Variants in EDA observed in about 807,000 individuals in gnomAD.
EDA encodes ectodysplasin-A.
A neutral mutation model predicts 23.6 loss-of-function variants in EDA; 2 were observed. The ratio of observed to expected loss-of-function variants is 0.08; its 90% CI spans 0.03 to 0.27. The LOEUF is 0.27. Ranked by LOEUF, EDA falls within the 10% of genes least tolerant of loss-of-function variation. The probability of loss-of-function intolerance (pLI) is 1.00; values close to 1 mark genes in which losing one functional copy is unlikely to be tolerated. For synonymous variants in EDA, 131 were observed against 132.0 expected (o/e 0.99, Z 0.05); for missense variants, 229 against 324.2 (o/e 0.71, Z 2.26).
intron 1 of EDA, among the ~76,000 whole-genome samples, chrX:69,894,695 TTG>T (rs1223134503): frequency 9.0e-6 from 1 of 111,637 alleles, no homozygotes; most frequent in Non-Finnish European, 1.9e-5. Flanking sequence ...ATTCTTGATT[TTG>T]TTCTCAGCTT....
At chrX:69,671,368 A>G (rs1009179062) in intron 1 of EDA, among the ~76,000 whole-genome samples, 4 of 111,206 alleles carry the variant, frequency 3.6e-5, no homozygotes, top group African/African-American at 1.3e-4. Flanking sequence ...CATGGCCAAT[A>G]GGCAGCCACA....
At chrX:69,633,560 C>T (rs1048328369) in intron 1 of EDA, among the ~76,000 whole-genome samples, 20 of 111,813 alleles carry the variant, frequency 1.8e-4, no homozygotes, top group African/African-American at 5.9e-4. Context: ...TACTTTCTGC[C>T]GCTATGGATT....
intron 2 of EDA, among the ~76,000 whole-genome samples, chrX:69,993,120 G>A (rs944915210): frequency 6.5e-5 from 7 of 108,337 alleles, no homozygotes; most frequent in Non-Finnish European, 1.1e-4. Context: ...ATAGAGTCTA[G>A]GTTGACTCTG....
chrX:69,636,619 A>G (rs1356054542), intron 1 of EDA, among the ~76,000 whole-genome samples: 2 of 106,195 alleles, frequency 1.9e-5, no homozygotes, highest in Admixed American at 2.1e-4. Flanking sequence ...ATAGGTGCTC[A>G]AACTGGTTCA....
At chrX:69,790,966 T>G (rs915233084) in intron 1 of EDA, among the ~76,000 whole-genome samples, 2 of 111,904 alleles carry the variant, frequency 1.8e-5, no homozygotes, top group African/African-American at 6.5e-5. Flanking sequence ...GGTTTTCATT[T>G]GAATACAGTA....
chrX:70,033,095 C>G (rs1369051611), intron 6 of EDA, among the ~76,000 whole-genome samples: 2 of 112,813 alleles, frequency 1.8e-5, no homozygotes, highest in African/African-American at 6.4e-5. Flanking sequence ...CATGCCCACT[C>G]TCATCCTCCA....
At chrX:69,994,309 A>C (rs907164124) in intron 2 of EDA, among the ~76,000 whole-genome samples, 1 of 112,028 alleles carries the variant, frequency 8.9e-6, no homozygotes, top group African/African-American at 3.2e-5. Flanking sequence ...ATAAAATAAC[A>C]ATTGCAAATT....
At chrX:69,958,220 A>G (rs1274349547) in intron 2 of EDA, among the ~76,000 whole-genome samples, 2 of 112,505 alleles carry the variant, frequency 1.8e-5, no homozygotes, top group Non-Finnish European at 3.8e-5. Flanking sequence ...AGGGGTTTGT[A>G]GAATACATAG....
intron 2 of EDA, among the ~76,000 whole-genome samples, chrX:70,018,746 C>G (rs758436593): frequency 9.0e-6 from 1 of 111,409 alleles, no homozygotes; most frequent in African/African-American, 3.3e-5. Flanking sequence ...TGAGGAAAAT[C>G]TAGGAAATAC....
intron 1 of EDA, among the ~76,000 whole-genome samples, chrX:69,809,370 C>T (rs780942258): frequency 5.4e-5 from 6 of 111,230 alleles, no homozygotes; most frequent in South Asian, 7.8e-4. Context: ...TTTTAAACAA[C>T]GAGATCTCAT....
chrX:69,821,645 G>C (rs1309418661), intron 1 of EDA, among the ~76,000 whole-genome samples: 1 of 111,651 alleles, frequency 9.0e-6, no homozygotes, highest in East Asian at 2.8e-4. Context: ...CCGAGATCTT[G>C]ATGTGTATGT....
At chrX:69,783,556 T>G (rs1223315943) in intron 1 of EDA, among the ~76,000 whole-genome samples, 18 of 109,776 alleles carry the variant, frequency 1.6e-4, no homozygotes, top group African/African-American at 5.3e-4. Context: ...TCTGTTCTTG[T>G]GATAGTTTAC....
intron 1 of EDA, among the ~76,000 whole-genome samples, chrX:69,745,347 G>A (rs2013585562): frequency 9.0e-6 from 1 of 111,220 alleles, no homozygotes; most frequent in Non-Finnish European, 1.9e-5. Flanking sequence ...GGGTCTTTTT[G>A]GGAAAATAGA....
intron 1 of EDA, among the ~76,000 whole-genome samples, chrX:69,631,211 T>A (rs1255491868): frequency 9.2e-6 from 1 of 108,639 alleles, no homozygotes; most frequent in Non-Finnish European, 1.9e-5. Context: ...TGAAACCCCG[T>A]CTCTACTAAA....
intron 1 of EDA, among the ~76,000 whole-genome samples, chrX:69,763,238 T>C (rs1378243183): frequency 8.9e-6 from 1 of 112,279 alleles, no homozygotes; most frequent in Non-Finnish European, 1.9e-5. Context: ...TCAGCTTTAG[T>C]AGTCATCCTG....
At chrX:69,863,743 ATG>A (rs990889473) in intron 1 of EDA, among the ~76,000 whole-genome samples, 13 of 106,406 alleles carry the variant, frequency 1.2e-4, no homozygotes, top group South Asian at 4.1e-4. Context: ...GTGTATGTAT[ATG>A]TGTGTGTGTG....
Position 69,956,622 on chromosome X carries a change from G to A in EDA, c.397-405G>A, listed in dbSNP as rs1322815307. 6.3e-5 allele frequency among the ~76,000 whole-genome samples: 7 copies of A among 111,221 alleles called. No homozygotes were observed. In the East Asian group the frequency reaches 2.0e-3, roughly 31 times the overall value. On this transcript the variant is annotated intron_variant, in intron 1 of 7. Transcript: ENST00000374552. ...GCCTCCCAAAGTGCTGGGATTACAG[G>A]CGTGAGCCACTGCTCCCAGCCAAAT... is the stretch of plus-strand genomic sequence containing the variant.
chrX:69,650,772 A>G (rs1209635753), intron 1 of EDA, among the ~76,000 whole-genome samples: 1 of 111,488 alleles, frequency 9.0e-6, no homozygotes, highest in Non-Finnish European at 1.9e-5. Context: ...TGAGAGAATA[A>G]TAGGGGAGGG....
intron 1 of EDA, among the ~76,000 whole-genome samples, chrX:69,857,600 G>A (rs767509788): frequency 5.4e-5 from 6 of 110,585 alleles, no homozygotes; most frequent in Admixed American, 2.9e-4. Flanking sequence ...TGAAGGTATT[G>A]TTATGGGAAT....
Sources: gnomAD v4.1 joint callset for allele counts (sites outside exome capture counted in the v4.1 genomes callset) on GRCh38, gnomAD v4.1.1 for gene constraint, MANE v1.5 for transcripts, NCBI Gene and HGNC (gene_info 2026-07-23, HGNC 2026-07-21) for gene names.